RBFOX1: variants seen among roughly 807,000 people sequenced by gnomAD.
RBFOX1 encodes the protein RNA binding protein fox-1 homolog 1.
In RBFOX1, 8 loss-of-function variants were observed where a neutral mutation model predicts 57.7. The ratio of observed to expected loss-of-function variants is 0.14; its 90% CI spans 0.08 to 0.25. RBFOX1 has a LOEUF of 0.25. Ranked by LOEUF, RBFOX1 falls within the 10% of genes least tolerant of loss-of-function variation. RBFOX1 has a pLI of 1.00. For synonymous variants in RBFOX1, 326 were observed against 222.4 expected (o/e 1.47, Z -4.15); for missense variants, 611 against 548.5 (o/e 1.11, Z -1.14).
intron 1 of RBFOX1, among the ~76,000 whole-genome samples, chr16:6,225,666 A>G (rs1316006601): frequency 6.6e-6 from 1 of 152,176 alleles, no homozygotes; most frequent in Non-Finnish European, 1.5e-5. Flanking sequence ...AATTTGCATA[A>G]TTTAGGCATA....
chr16:7,059,802 G>A (rs774309060), intron 4 of RBFOX1, among the ~76,000 whole-genome samples: 3 of 151,932 alleles, frequency 2.0e-5, no homozygotes, highest in Non-Finnish European at 4.4e-5. Flanking sequence ...TTTGTTCCCA[G>A]GGCTGCTTCT....
At chr16:5,545,093 C>T (rs1226602275) in intron 2 of RBFOX1, among the ~76,000 whole-genome samples, 1 of 151,344 alleles carries the variant, frequency 6.6e-6, no homozygotes, top group Non-Finnish European at 1.5e-5. Context: ...TCTTCTGCCT[C>T]AGCCTTCCGA....
intron 4 of RBFOX1, among the ~76,000 whole-genome samples, chr16:5,907,106 G>T (rs971739377): frequency 1.1e-4 from 17 of 152,106 alleles, no homozygotes; most frequent in African/African-American, 3.9e-4. Flanking sequence ...GGTTGGAGGG[G>T]TGTACGCATT....
intron 4 of RBFOX1, among the ~76,000 whole-genome samples, chr16:7,254,775 C>G (rs949239532): frequency 6.6e-6 from 1 of 152,002 alleles, no homozygotes; most frequent in East Asian, 1.9e-4. Context: ...TTGCTCATAC[C>G]TAGAAGGGTG....
chr16:5,381,780 G>A (rs796569669), intron 1 of RBFOX1, among the ~76,000 whole-genome samples: 33 of 152,216 alleles, frequency 2.2e-4, no homozygotes, highest in African/African-American at 7.2e-4. Context: ...GTCCTGGGAT[G>A]CCCCCTTATT....
At chr16:5,616,878 C>T (rs1388906135) in intron 3 of RBFOX1, among the ~76,000 whole-genome samples, 4 of 150,392 alleles carry the variant, frequency 2.7e-5, no homozygotes, top group African/African-American at 9.8e-5. Flanking sequence ...CACCCCTCCC[C>T]TTCCTCCTTT....
At chr16:5,670,778 G>A (rs1044016964) in intron 3 of RBFOX1, among the ~76,000 whole-genome samples, 1 of 152,224 alleles carries the variant, frequency 6.6e-6, no homozygotes, top group Non-Finnish European at 1.5e-5. Context: ...AAACTTGGAA[G>A]TGTATCAACC....
At chr16:6,172,730 T>C (rs943711525) in intron 1 of RBFOX1, among the ~76,000 whole-genome samples, 2 of 152,196 alleles carry the variant, frequency 1.3e-5, no homozygotes, top group Admixed American at 1.3e-4. Context: ...TCACAAACAA[T>C]GTAAGCTGCA....
chr16:6,539,938 T>A (rs2160178), intron 2 of RBFOX1, among the ~76,000 whole-genome samples: 68,492 of 151,944 alleles, frequency 0.45, 15,809 homozygotes, highest in Non-Finnish European at 0.5. Flanking sequence ...TAAATGGTTT[T>A]CCCCACAGAT....
chr16:5,543,564 A>G (rs1242753680), intron 2 of RBFOX1, among the ~76,000 whole-genome samples: 1 of 152,330 alleles, frequency 6.6e-6, no homozygotes. Flanking sequence ...GGAATTTAAT[A>G]TATGTGTAGA....
intron 3 of RBFOX1, among the ~76,000 whole-genome samples, chr16:5,654,356 A>G (rs2049349257): frequency 6.6e-6 from 1 of 152,178 alleles, no homozygotes; most frequent in Non-Finnish European, 1.5e-5. Context: ...TAAGCTGGAA[A>G]TGGGCCATGC....
At chr16:6,390,455 G>T (rs1024765715) in intron 2 of RBFOX1, among the ~76,000 whole-genome samples, 2 of 151,968 alleles carry the variant, frequency 1.3e-5, no homozygotes, top group Non-Finnish European at 1.5e-5. Flanking sequence ...GATGACTTCA[G>T]TGTGCCGGGC....
At chr16:6,970,957 C>A (rs1299816272) in intron 3 of RBFOX1, among the ~76,000 whole-genome samples, 3 of 152,136 alleles carry the variant, frequency 2.0e-5, no homozygotes, top group Non-Finnish European at 4.4e-5. Flanking sequence ...CACGTGCATA[C>A]CTACCCATTT....
chr16:6,666,778 A>G (rs576404967), intron 3 of RBFOX1, among the ~76,000 whole-genome samples: 1 of 152,216 alleles, frequency 6.6e-6, no homozygotes, highest in Non-Finnish European at 1.5e-5. Flanking sequence ...CCTCCACATA[A>G]CAGGAAAAAC....
rs377183599 is a variant in RBFOX1, at chr16:6,239,770, T to G, written c.-126-77225T>G. Reference sequence around the variant, plus strand: ...CCTTGGCCTCCCAAAGTGCTGGGATTACAGGGGTGAGCCACCATGCCCAGC... The same window carrying G: ...CCTTGGCCTCCCAAAGTGCTGGGATGACAGGGGTGAGCCACCATGCCCAGC... On this transcript the variant is annotated intron_variant, in intron 1 of 15. Transcript: ENST00000550418. 1.2e-4 allele frequency among the ~76,000 whole-genome samples: 18 copies of G among 152,312 alleles called. 1 individual carries two copies. The highest frequency in any genetic ancestry group is 4.1e-4 in the African/African-American group (17 of 41,568).
chr16:5,252,178 A>C (rs73526039), intron 1 of RBFOX1, among the ~76,000 whole-genome samples: 2,963 of 152,292 alleles, frequency 0.019, 97 homozygotes, highest in African/African-American at 0.067. Context: ...CCCTCATCAC[A>C]GCCCTTGACT....
chr16:6,474,968 C>T lies in RBFOX1; in HGVS notation c.-64+157911C>T, dbSNP rs1401934035. Among the ~76,000 whole-genome samples the T allele has an allele frequency of 2.6e-5, 4 of 152,266 alleles. No individual in the cohort carries two copies. In the South Asian group the frequency reaches 6.2e-4, roughly 24 times the overall value. ...GTGGAATACATAAACTGACCTTGTACATTTTTTGTCCTTACAGCACAAAGT... is the reference window on the plus strand; with the variant it reads ...GTGGAATACATAAACTGACCTTGTATATTTTTTGTCCTTACAGCACAAAGT... On this transcript the variant is annotated intron_variant, in intron 2 of 15. Coordinates refer to ENST00000550418, the MANE Select transcript of RBFOX1 (RefSeq NM_018723.4).
chr16:5,296,367 G>A (rs887049850), intron 1 of RBFOX1, among the ~76,000 whole-genome samples: 1 of 152,092 alleles, frequency 6.6e-6, no homozygotes, highest in African/African-American at 2.4e-5. Context: ...TGTCATGTAA[G>A]TCTGCATCCT....
At chr16:6,834,929 G>T (rs922780261) in intron 3 of RBFOX1, among the ~76,000 whole-genome samples, 2 of 131,170 alleles carry the variant, frequency 1.5e-5, no homozygotes, top group African/African-American at 5.8e-5. Context: ...GTCTCGCTCT[G>T]TTGCCCAGGC....
Sources: gnomAD v4.1 joint callset for allele counts (sites outside exome capture counted in the v4.1 genomes callset) on GRCh38, gnomAD v4.1.1 for gene constraint, MANE v1.5 for transcripts, NCBI Gene and HGNC (gene_info 2026-07-23, HGNC 2026-07-21) for gene names.